Variants in CLK4 observed in about 807,000 individuals in gnomAD.
The protein encoded by CLK4 is CDC like kinase 4.
Under a neutral mutation model 64.4 loss-of-function variants are expected in CLK4, and 37 were observed. That is an observed-to-expected ratio of 0.57 (90% CI 0.44 to 0.76). CLK4 has a LOEUF of 0.76. CLK4 is among the 30% of genes least tolerant of loss of function. The pLI is 0.00. For missense variants in CLK4, 457 were observed against 605.1 expected, an observed-to-expected ratio of 0.76 and a Z score of 2.57; for synonymous variants, 175 against 191.6, an observed-to-expected ratio of 0.91 and a Z score of 0.72.
chr5:178,609,847 T>G (rs1427253777), intron 9 of CLK4, among the ~76,000 whole-genome samples: 2 of 150,952 alleles, frequency 1.3e-5, no homozygotes, highest in Non-Finnish European at 1.5e-5. Context: ...AGGCAGAGGT[T>G]GCAGTGAGCT....
chr5:178,618,977 TAG>T (rs1562130180), intron 2 of CLK4, among the ~76,000 whole-genome samples, 199 bp from the exon 3 acceptor site: 2 of 152,210 alleles, frequency 1.3e-5, no homozygotes, highest in Admixed American at 1.3e-4. Flanking sequence ...GGGCCCATTA[TAG>T]AGTTTGCTGT....
intron 5 of CLK4, among the ~76,000 whole-genome samples, chr5:178,614,742 C>G (rs1233418156): frequency 6.6e-6 from 1 of 152,148 alleles, no homozygotes. Flanking sequence ...TTTTCCACAT[C>G]CAGTGGTTTC....
chr5:178,619,797 A>G, intron 2 of CLK4: 1 of 1,289,400 alleles, frequency 7.8e-7, no homozygotes, highest in Non-Finnish European at 1.0e-6. Flanking sequence ...AAAGAAAAGG[A>G]CATAGATTCA....
At chr5:178,616,187 C>G (rs539849807) in intron 5 of CLK4, among the ~76,000 whole-genome samples, 2 of 152,260 alleles carry the variant, frequency 1.3e-5, no homozygotes, top group East Asian at 3.9e-4. Flanking sequence ...CCTTCCTCCC[C>G]TCCTGGGTTC....
rs146302829 is a variant in CLK4 at position 178,620,567 on chromosome 5, A to C, written c.162-1789T>G. On this transcript the variant is annotated intron_variant, in intron 2 of 12. Transcript: ENST00000316308. ...GTAGACAGGATGAACAGACTGATTT[A>C]ATTTTTTAAAATATCCACTGAATGC... 33 of 452,598 alleles carry C rather than the reference A, an allele frequency of 7.3e-5. 1 individual carries two copies. Among genetic ancestry groups the C allele is most frequent in the African/African-American group, 5.8e-4 (29 of 49,840 alleles). 28.0% of individuals were successfully genotyped at this position (452,598 alleles called of 1,614,324 possible). A position where few individuals can be genotyped will look rare whatever the true frequency, so the allele number is the denominator to read the frequency against.
At chr5:178,609,349 A>G (rs999432594) in intron 9 of CLK4, among the ~76,000 whole-genome samples, 1 of 152,234 alleles carries the variant, frequency 6.6e-6, no homozygotes, top group African/African-American at 2.4e-5. Flanking sequence ...ATTTTTGTTA[A>G]CCATCCGCTC....
At chr5:178,605,491 G>T in intron 10 of CLK4, 109 bp from the exon 11 acceptor site, 1 of 563,788 alleles carries the variant, frequency 1.8e-6, no homozygotes, top group Non-Finnish European at 2.9e-6. Context: ...TTCTTACACT[G>T]TTTAAAGAAT....
intron 5 of CLK4, among the ~76,000 whole-genome samples, chr5:178,615,509 G>A (rs1397675295): frequency 6.6e-6 from 1 of 152,048 alleles, no homozygotes; most frequent in Non-Finnish European, 1.5e-5. Flanking sequence ...GCAAAATGTG[G>A]GGATAATTTA....
intron 2 of CLK4, chr5:178,622,531 C>T: frequency 8.4e-6 from 4 of 475,052 alleles, no homozygotes; most frequent in Non-Finnish European, 1.1e-5. Context: ...TGAAAACTTA[C>T]CTAGCCTTTC....
At chr5:178,606,605 C>A (rs983989517) in intron 10 of CLK4, among the ~76,000 whole-genome samples, 1 of 152,160 alleles carries the variant, frequency 6.6e-6, no homozygotes. Context: ...CAACACAACA[C>A]CTCGATCATA....
chr5:178,605,424 C>A, intron 10 of CLK4, 42 bp from the exon 11 acceptor site: 2 of 1,135,852 alleles, frequency 1.8e-6, no homozygotes, highest in East Asian at 2.6e-5. Flanking sequence ...TCTCCATTTC[C>A]CTACAAACAC....
intron 8 of CLK4, 40 bp from the exon 9 acceptor site, chr5:178,612,585 T>C (rs1369604507): frequency 1.9e-6 from 3 of 1,600,352 alleles, no homozygotes; most frequent in Non-Finnish European, 2.6e-6. Flanking sequence ...ACTCAATAGA[T>C]ACATTTTATA....
chr5:178,617,299 TA>T lies in CLK4; in HGVS notation c.475+44del. 2 of 1,465,198 alleles carry T rather than the reference TA, an allele frequency of 1.4e-6. No homozygotes were observed. Among genetic ancestry groups the T allele is most frequent in the South Asian group, 2.3e-5 (2 of 87,992 alleles). 90.8% of individuals were successfully genotyped at this position (1,465,198 alleles called of 1,614,324 possible). A position where few individuals can be genotyped will look rare whatever the true frequency, so the allele number is the denominator to read the frequency against. On this transcript the variant is annotated intron_variant, in intron 4 of 12. Coordinates refer to ENST00000316308, the MANE Select transcript of CLK4 (RefSeq NM_020666.3). This position sits in a 1 kb window ranked among gnomAD's most constrained non-coding sequence, Gnocchi z 5.2. Reference sequence around the variant, plus strand: ...GCTGACAAACTATTCTTAAAAAGATTATTCTTTCTGCAAAGTTTAAAAAGTG... The same window carrying T: ...GCTGACAAACTATTCTTAAAAAGATTTTCTTTCTGCAAAGTTTAAAAAGTG...
intron 1 of CLK4, among the ~76,000 whole-genome samples, chr5:178,625,695 G>C (rs1209198243): frequency 6.6e-6 from 1 of 151,936 alleles, no homozygotes; most frequent in Non-Finnish European, 1.5e-5. Context: ...CTAACCTCCA[G>C]CAAAACAGAA....
chr5:178,610,028 C>A (rs1410576557), intron 9 of CLK4, among the ~76,000 whole-genome samples: 1 of 151,976 alleles, frequency 6.6e-6, no homozygotes, highest in Non-Finnish European at 1.5e-5. Context: ...CGGTGGCTCA[C>A]ACCTGTAATC....
At chr5:178,605,127 C>T (rs995526857) in intron 11 of CLK4, 176 bp downstream of exon 11, 18 of 299,840 alleles carry the variant, frequency 6.0e-5, no homozygotes, top group African/African-American at 8.5e-5. Context: ...GAGACTCCAT[C>T]TCAAAAAAAA....
intron 7 of CLK4, 87 bp downstream of exon 7, chr5:178,613,386 T>C: frequency 1.0e-6 from 1 of 996,206 alleles, no homozygotes; most frequent in African/African-American, 1.7e-5. Flanking sequence ...GCCACTGCAC[T>C]CCAGCCTGGG....
At chr5:178,621,502 G>C (rs1332389190) in intron 2 of CLK4, among the ~76,000 whole-genome samples, 2 of 152,140 alleles carry the variant, frequency 1.3e-5, no homozygotes, top group East Asian at 3.8e-4. Flanking sequence ...GTAATAAAAA[G>C]CTCTTCTAAA....
intron 9 of CLK4, among the ~76,000 whole-genome samples, chr5:178,612,022 C>T (rs973467987): frequency 5.3e-5 from 8 of 152,156 alleles, no homozygotes; most frequent in African/African-American, 1.9e-4. Flanking sequence ...TTCTCTTGAC[C>T]TTTATCCATC....
Sources: gnomAD v4.1 joint callset for allele counts (sites outside exome capture counted in the v4.1 genomes callset) on GRCh38, gnomAD v4.1.1 for gene constraint, Gnocchi (gnomAD v3.1) non-coding constraint, MANE v1.5 for transcripts, NCBI Gene and HGNC (gene_info 2026-07-23, HGNC 2026-07-21) for gene names.